XRCC6: variants seen among roughly 807,000 people sequenced by gnomAD.
The protein encoded by XRCC6 is X-ray repair cross complementing 6.
Under a neutral mutation model 65.7 loss-of-function variants are expected in XRCC6, and 5 were observed. The observed-to-expected ratio is 0.08, with a 90% CI of 0.04 to 0.16. The LOEUF is 0.16. XRCC6 is among the 10% of genes least tolerant of loss of function. The pLI is 1.00. For synonymous variants in XRCC6, 270 were observed against 270.6 expected, an observed-to-expected ratio of 1.00 and a Z score of 0.02; for missense variants, 447 against 738.1, an observed-to-expected ratio of 0.61 and a Z score of 4.57.
intron 3 of XRCC6, among the ~76,000 whole-genome samples, chr22:41,629,194 G>A (rs1246858915): frequency 6.6e-6 from 1 of 152,070 alleles, no homozygotes; most frequent in Non-Finnish European, 1.5e-5. Context: ...TACCTGACCT[G>A]TTCTTGTTTC....
chr22:41,631,715 C>G, intron 3 of XRCC6, among the ~76,000 whole-genome samples: 1 of 151,854 alleles, frequency 6.6e-6, no homozygotes, highest in Non-Finnish European at 1.5e-5. Context: ...TCCTCACTTC[C>G]CAGACGGGGT....
intron 12 of XRCC6, among the ~76,000 whole-genome samples, chr22:41,662,473 A>G (rs536662991): frequency 3.2e-4 from 49 of 152,310 alleles, no homozygotes; most frequent in East Asian, 2.1e-3. Flanking sequence ...CTAGTTTGCT[A>G]TTTTTGTTAC....
In XRCC6 at chr22:41,637,757, C is replaced by A; in HGVS notation, c.739C>A (p.Arg247Ser). 1 of 1,613,898 alleles carries A rather than the reference C, an allele frequency of 6.2e-7. No individual in the cohort carries two copies. Among genetic ancestry groups the A allele is most frequent in the Non-Finnish European group, 8.5e-7 (1 of 1,179,968 alleles). ...GCTAGAAGACCTGTTGCGGAAGGTT[C>A]GCGCCAAGGAGACCAGGAAGCGAGC... Reference protein sequence around the residue: ...SKLEDLLRKVRAKETRKRALS... With the variant: ...SKLEDLLRKVSAKETRKRALS... The change falls in exon 6 of 13, where the codon CGC becomes AGC. Residue 247 changes from arginine (R) to serine (S), a missense_variant. Transcript: ENST00000360079.
intron 2 of XRCC6, among the ~76,000 whole-genome samples, chr22:41,627,035 CAA>C (rs954189081): frequency 2.0e-5 from 3 of 152,136 alleles, no homozygotes; most frequent in African/African-American, 4.8e-5. Flanking sequence ...CTTGGTCTCC[CAA>C]AGTGTTGGGA....
intron 3 of XRCC6, among the ~76,000 whole-genome samples, chr22:41,630,674 A>G (rs1341368799): frequency 6.6e-6 from 1 of 151,912 alleles, no homozygotes; most frequent in African/African-American, 2.4e-5. Context: ...GTCCCTGGGT[A>G]CTTGAGATTA....
At chr22:41,642,877 A>G (rs1043732631) in intron 6 of XRCC6, among the ~76,000 whole-genome samples, 3 of 152,204 alleles carry the variant, frequency 2.0e-5, no homozygotes, top group Admixed American at 6.5e-5. Context: ...TGTTACCAAC[A>G]CTCATCTGTG....
chr22:41,663,513 C>G (rs1388450159), intron 12 of XRCC6, 109 bp from the exon 13 acceptor site: 3 of 1,289,338 alleles, frequency 2.3e-6, no homozygotes, highest in Admixed American at 4.3e-5. Context: ...GGCATCACAG[C>G]TTTATGGTTA....
intron 2 of XRCC6, among the ~76,000 whole-genome samples, chr22:41,627,500 A>G (rs1311308553): frequency 1.3e-5 from 2 of 149,960 alleles, no homozygotes; most frequent in Admixed American, 6.7e-5. Context: ...AATCCCAGCT[A>G]GTTGGGAGGC....
Position 41,637,876 on chromosome 22 carries a change from A to G in XRCC6, c.773+85A>G, listed in dbSNP as rs562909282. On this transcript the variant is annotated intron_variant, in intron 6 of 12. Coordinates refer to ENST00000360079, the MANE Select transcript of XRCC6 (RefSeq NM_001469.5). ...GCGGTGGCTCACACCTGTAATCCCA[A>G]CAGTTTGGGAGGCCAAGGCAGGCGG... 107 of 1,425,540 alleles carry G rather than the reference A, an allele frequency of 7.5e-5. 1 individual carries two copies. Among genetic ancestry groups the G allele is most frequent in the Admixed American group, 6.0e-4 (24 of 40,118 alleles). The allele number at this position is 1,425,540 out of a possible 1,614,324, so 88.3% of individuals were successfully genotyped here. A position where few individuals can be genotyped will look rare whatever the true frequency, so the allele number is the denominator to read the frequency against.
At chr22:41,645,849 C>T (rs73424917) in intron 6 of XRCC6, among the ~76,000 whole-genome samples, 1,914 of 151,806 alleles carry the variant, frequency 0.013, 32 homozygotes, top group African/African-American at 0.043. Context: ...ACTGTGCGTG[C>T]GCCACCATGC....
intron 6 of XRCC6, among the ~76,000 whole-genome samples, 188 bp from the exon 7 acceptor site, chr22:41,646,708 T>C (rs2067935586): frequency 6.6e-6 from 1 of 152,222 alleles, no homozygotes; most frequent in Non-Finnish European, 1.5e-5. Context: ...GTAGTTAATA[T>C]ATTGTGGTAC....
intron 6 of XRCC6, 80 bp from the exon 7 acceptor site, chr22:41,646,816 A>C: frequency 8.4e-7 from 1 of 1,192,808 alleles, no homozygotes; most frequent in Non-Finnish European, 1.2e-6. Flanking sequence ...TAAAACAGTG[A>C]AGCTTTGGTG....
intron 6 of XRCC6, among the ~76,000 whole-genome samples, chr22:41,640,790 A>G (rs3788585): frequency 7.5e-4 from 114 of 152,284 alleles, no homozygotes; most frequent in East Asian, 9.6e-4. Flanking sequence ...TGTTTATACT[A>G]CAGTTTGGAA....
At position 41,664,034 on chromosome 22, in the gene XRCC6, G is replaced by A; in HGVS notation, c.*219G>A. Reference sequence around the variant, plus strand: ...TGCCTGAATAAAGAGCCCTAAGTTTGTACTATATACTGTTCTTTTGTGTGA... The same window carrying A: ...TGCCTGAATAAAGAGCCCTAAGTTTATACTATATACTGTTCTTTTGTGTGA... On this transcript the variant is annotated 3_prime_UTR_variant, in exon 13 of 13. Coordinates refer to ENST00000360079, the MANE Select transcript of XRCC6 (RefSeq NM_001469.5). 1 of 558,030 alleles carries A rather than the reference G, an allele frequency of 1.8e-6. No homozygotes were observed. Among genetic ancestry groups the A allele is most frequent in the East Asian group, 3.0e-5 (1 of 33,460 alleles). 34.6% of individuals were successfully genotyped at this position (558,030 alleles called of 1,614,324 possible). A position where few individuals can be genotyped will look rare whatever the true frequency, so the allele number is the denominator to read the frequency against.
rs1245316287 is a variant in XRCC6 at position 41,640,716 on chromosome 22, C to G, written c.773+2925C>G. Among the ~76,000 whole-genome samples, 8 of 152,296 alleles carry G rather than the reference C, an allele frequency of 5.3e-5. No homozygotes were observed. In the East Asian group the frequency reaches 1.5e-3, roughly 29 times the overall value. On this transcript the variant is annotated intron_variant, in intron 6 of 12. Coordinates refer to ENST00000360079, the MANE Select transcript of XRCC6 (RefSeq NM_001469.5). Reference sequence around the variant, plus strand: ...ATTGTTCTCCTTTTCCTCTTGGAAACTATTTTTCTTTCCTCAGACAAGTAT... The same window carrying G: ...ATTGTTCTCCTTTTCCTCTTGGAAAGTATTTTTCTTTCCTCAGACAAGTAT...
intron 6 of XRCC6, among the ~76,000 whole-genome samples, chr22:41,639,906 C>T (rs1227980373): frequency 1.3e-5 from 2 of 148,940 alleles, no homozygotes; most frequent in Non-Finnish European, 1.5e-5. Context: ...GATCCGCCCG[C>T]CTCGGCCTCC....
At chr22:41,659,630 A>T (rs558775631) in intron 11 of XRCC6, among the ~76,000 whole-genome samples, 31 of 151,414 alleles carry the variant, frequency 2.0e-4, no homozygotes, top group African/African-American at 7.5e-4. Context: ...ATAAGCCACC[A>T]TGCTCACTAC....
chr22:41,649,342 ATT>A (rs895234704), intron 7 of XRCC6, among the ~76,000 whole-genome samples: 3 of 139,284 alleles, frequency 2.2e-5, no homozygotes, highest in Non-Finnish European at 1.6e-5. Context: ...AATTTTTTGT[ATT>A]TTTTTTTTTT....
chr22:41,639,329 CTTTTTT>C (rs386395480), intron 6 of XRCC6, among the ~76,000 whole-genome samples: 3,266 of 64,690 alleles, frequency 0.05, 91 homozygotes, highest in African/African-American at 0.13. Flanking sequence ...GATTCTTTTT[CTTTTTT>C]TTTTTTTTTT....
Sources: gnomAD v4.1 joint callset for allele counts (sites outside exome capture counted in the v4.1 genomes callset) on GRCh38, gnomAD v4.1.1 for gene constraint, MANE v1.5 for transcripts, NCBI Gene and HGNC (gene_info 2026-07-23, HGNC 2026-07-21) for gene names.